PRKRA: variants seen among roughly 807,000 people sequenced by gnomAD.
PRKRA encodes interferon-inducible double-stranded RNA-dependent protein kinase activator A.
Under a neutral mutation model 32.4 loss-of-function variants are expected in PRKRA, and 22 were observed. The observed-to-expected ratio is 0.68, with a 90% CI of 0.49 to 0.97. The LOEUF (loss-of-function observed/expected upper bound fraction) is 0.97. Ranked by LOEUF, PRKRA falls within the 50% of genes least tolerant of loss-of-function variation. PRKRA has a pLI of 0.00. For missense variants in PRKRA, 319 were observed against 375.6 expected, an observed-to-expected ratio of 0.85 and a Z score of 1.25; for synonymous variants, 139 against 129.8, an observed-to-expected ratio of 1.07 and a Z score of -0.48.
At chr2:178,448,886 T>C (rs766749919) in intron 2 of PRKRA, among the ~76,000 whole-genome samples, 6 of 152,116 alleles carry the variant, frequency 3.9e-5, no homozygotes, top group Non-Finnish European at 7.4e-5. Flanking sequence ...AGCCTTTACA[T>C]AGAAAGGGAA....
chr2:178,433,154 C>G (rs1394364119), intron 7 of PRKRA, among the ~76,000 whole-genome samples: 1 of 152,192 alleles, frequency 6.6e-6, no homozygotes, highest in Non-Finnish European at 1.5e-5. Flanking sequence ...CCAGCTTCTG[C>G]TTGAGGCTCA....
chr2:178,444,632 C>T, intron 3 of PRKRA, 132 bp from the exon 4 acceptor site: 2 of 737,568 alleles, frequency 2.7e-6, no homozygotes, highest in South Asian at 1.5e-5. Context: ...GCCCTTTTCT[C>T]AGACCTCTTC....
In PRKRA at chr2:178,443,297, T is replaced by C. The variant is rs1422886679; in HGVS notation, c.484A>G (p.Ile162Val). Residue 162 changes from isoleucine to valine, a missense_variant, in exon 5 of 8, where the codon ATT becomes GTT. By Grantham distance (29) the Ile-to-Val change is conservative (BLOSUM62 3). Coordinates refer to ENST00000325748, the MANE Select transcript of PRKRA (RefSeq NM_003690.5). Reference protein sequence around the residue: ...GPAHKREYTTICRLESFMETG... With the variant: ...GPAHKREYTTVCRLESFMETG... ...TCCATAAATGACTCTAGCCTGCAAA[T>C]TGTAGTATATTCTCTCTTATGAGCA... 1.7e-5 allele frequency: 28 copies of C among 1,610,692 alleles called. No homozygotes were observed. Among genetic ancestry groups the C allele is most frequent in the Non-Finnish European group, 2.4e-5 (28 of 1,177,148 alleles).
intron 3 of PRKRA, 52 bp from the exon 4 acceptor site, chr2:178,444,552 G>GAAATAAA: frequency 9.5e-7 from 1 of 1,052,816 alleles, no homozygotes; most frequent in East Asian, 4.7e-5. Context: ...CCCGAATTAT[G>GAAATAAA]AAATAAATGA....
intron 7 of PRKRA, among the ~76,000 whole-genome samples, chr2:178,435,927 T>C (rs1250783979): frequency 6.6e-6 from 1 of 152,206 alleles, no homozygotes; most frequent in African/African-American, 2.4e-5. Context: ...TATTGTTGTT[T>C]TTGTTATAAC....
At chr2:178,442,555 G>A (rs971115737) in intron 5 of PRKRA, among the ~76,000 whole-genome samples, 3 of 152,112 alleles carry the variant, frequency 2.0e-5, no homozygotes, top group African/African-American at 2.4e-5. Context: ...GCTTAACTTC[G>A]CGAATCAAGG....
In PRKRA at chr2:178,451,152, C is replaced by CT. The variant is rs1350236557; in HGVS notation, c.-123dup. The CT allele has an allele frequency of 1.7e-6, 2 of 1,210,696 alleles. No individual in the cohort carries two copies. The highest frequency in any genetic ancestry group is 3.2e-5 in the African/African-American group (2 of 62,288). The allele number at this position is 1,210,696 out of a possible 1,614,324, so 75.0% of individuals were successfully genotyped here. ...CCACCTCCTCCGACTCCCCCGCCTCCTGCTTGCGTTGCTCCAGCGAGGGGG... is the reference window on the plus strand; with the variant it reads ...CCACCTCCTCCGACTCCCCCGCCTCCTTGCTTGCGTTGCTCCAGCGAGGGGG... On this transcript the variant is annotated 5_prime_UTR_variant, in exon 1 of 8. Coordinates refer to ENST00000325748, the MANE Select transcript of PRKRA (RefSeq NM_003690.5).
chr2:178,446,992 C>CAAAAAAA (rs780283451), intron 3 of PRKRA, among the ~76,000 whole-genome samples: 6 of 46,070 alleles, frequency 1.3e-4, no homozygotes, highest in African/African-American at 3.2e-4. Context: ...GACTCCGTCT[C>CAAAAAAA]AAAAAAAAAA....
chr2:178,446,992 CAAAA>C (rs780283451), intron 3 of PRKRA, among the ~76,000 whole-genome samples: 4 of 46,086 alleles, frequency 8.7e-5, no homozygotes, highest in South Asian at 8.1e-4. Context: ...GACTCCGTCT[CAAAA>C]AAAAAAAAAA....
chr2:178,443,526 C>T, intron 4 of PRKRA, 142 bp from the exon 5 acceptor site: 1 of 643,562 alleles, frequency 1.6e-6, no homozygotes, highest in Admixed American at 2.6e-5. Context: ...AGGGAAGACC[C>T]TCTATTTCTC....
intron 2 of PRKRA, chr2:178,450,007 C>G: frequency 1.7e-6 from 1 of 601,910 alleles, no homozygotes. Context: ...AGGATCCAGC[C>G]ATCCGGCTGG....
chr2:178,450,188 C>A, intron 2 of PRKRA, 54 bp downstream of exon 2: 1 of 1,303,576 alleles, frequency 7.7e-7, no homozygotes, highest in Middle Eastern at 2.4e-4. Context: ...AAAAGCAACA[C>A]CAAGTATTGA....
At chr2:178,443,652 GA>G in intron 4 of PRKRA, 1 of 370,678 alleles carries the variant, frequency 2.7e-6, no homozygotes, top group Non-Finnish European at 5.1e-6. Flanking sequence ...ACATCAACTA[GA>G]AAAACAGGCT....
chr2:178,446,189 AT>A (rs1210386918), intron 3 of PRKRA, among the ~76,000 whole-genome samples: 1 of 150,848 alleles, frequency 6.6e-6, no homozygotes, highest in Admixed American at 6.6e-5. Context: ...TAATTTTTGT[AT>A]TTTTAGTAGA....
At chr2:178,437,293 T>C (rs1386311640) in intron 6 of PRKRA, among the ~76,000 whole-genome samples, 1 of 152,210 alleles carries the variant, frequency 6.6e-6, no homozygotes, top group African/African-American at 2.4e-5. Context: ...CTCTTTTCCT[T>C]ACCACCCATT....
intron 6 of PRKRA, among the ~76,000 whole-genome samples, chr2:178,436,750 G>A (rs1696913843): frequency 6.6e-6 from 1 of 150,812 alleles, no homozygotes; most frequent in African/African-American, 2.4e-5. Context: ...ATAACTGACA[G>A]CTATCAAACA....
intron 7 of PRKRA, 91 bp downstream of exon 7, chr2:178,436,054 A>C: frequency 1.1e-6 from 1 of 902,968 alleles, no homozygotes; most frequent in Non-Finnish European, 1.5e-6. Context: ...AAATTGTAAT[A>C]GAAATTTTTA....
In PRKRA at chr2:178,451,023, T is replaced by G. The variant is rs749472486; in HGVS notation, c.8A>C (p.Gln3Pro). 1 of 1,557,310 alleles carries G rather than the reference T, an allele frequency of 6.4e-7. No homozygotes were observed. Among genetic ancestry groups the G allele is most frequent in the South Asian group, 1.2e-5 (1 of 85,204 alleles). The part of the protein sequence containing the change: MS[Q>P]SRHRAEAPPL... ...CGGGGCCTCGGCGCGGTGCCTGCTC[T>G]GGGACATGGCGAGAAGGGACGGCTC... The change falls in exon 1 of 8, where the codon CAG (glutamine) becomes CCG (proline). Residue 3 changes from glutamine to proline, a missense_variant. Coordinates refer to ENST00000325748, the MANE Select transcript of PRKRA (RefSeq NM_003690.5).
chr2:178,444,278 A>C lies in PRKRA; in HGVS notation c.396+144T>G, dbSNP rs1697231000. ...ATAAATAGGAAAATAATTTCAAGTT[A>C]GCTCTGTTAATCTAATGATCGTAAG... is the stretch of plus-strand genomic sequence containing the variant. On this transcript the variant is annotated intron_variant, in intron 4 of 7. Coordinates refer to ENST00000325748, the MANE Select transcript of PRKRA (RefSeq NM_003690.5). The C allele has an allele frequency of 1.1e-5, 8 of 702,908 alleles. No individual in the cohort carries two copies. In the South Asian group the frequency reaches 1.4e-4, roughly 12 times the overall value. 43.5% of individuals were successfully genotyped at this position (702,908 alleles called of 1,614,324 possible). A position where few individuals can be genotyped will look rare whatever the true frequency, so the allele number is the denominator to read the frequency against.
Sources: allele counts gnomAD v4.1 joint callset (sites outside exome capture counted in the v4.1 genomes callset), GRCh38; gene constraint gnomAD v4.1.1; transcripts MANE v1.5; gene names NCBI Gene and HGNC (gene_info 2026-07-23, HGNC 2026-07-21).